The following LIN52 variants were observed in gnomAD, a reference collection of about 807,000 sequenced individuals.
The protein encoded by LIN52 is lin-52 DREAM MuvB core complex component, also known as protein lin-52 homolog.
A neutral mutation model predicts 18.5 loss-of-function variants in LIN52; 4 were observed. The observed-to-expected ratio is 0.22, with a 90% CI of 0.11 to 0.49. The LOEUF is 0.49. Among genes scored for constraint, LIN52 ranks in the 20% least tolerant of loss-of-function variants. LIN52 has a pLI of 0.97. For synonymous variants in LIN52, 34 were observed against 45.5 expected (o/e 0.75, Z 1.02); for missense variants, 102 against 139.5 (o/e 0.73, Z 1.35).
intron 2 of LIN52, among the ~76,000 whole-genome samples, chr14:74,093,896 GGCAGAGGTTGCAGTGA>G (rs2060790013): frequency 6.6e-6 from 1 of 151,932 alleles, no homozygotes; most frequent in Admixed American, 6.6e-5. Context: ...GAACCCGGGA[GGCAGAGGTTGCAGTGA>G]GCAGAGATTG....
chr14:74,162,232 T>A (rs1490359823), intron 5 of LIN52, among the ~76,000 whole-genome samples: 1 of 151,978 alleles, frequency 6.6e-6, no homozygotes, highest in Non-Finnish European at 1.5e-5. Context: ...TCCCAGCACT[T>A]TGGGAGGCTG....
At chr14:74,098,361 A>G (rs982003733) in intron 4 of LIN52, among the ~76,000 whole-genome samples, 1 of 151,974 alleles carries the variant, frequency 6.6e-6, no homozygotes, top group East Asian at 1.9e-4. Flanking sequence ...TCTACTAAAA[A>G]TACAAAAATC....
intron 5 of LIN52, among the ~76,000 whole-genome samples, chr14:74,114,756 A>G (rs916084059): frequency 2.0e-5 from 3 of 152,194 alleles, no homozygotes; most frequent in African/African-American, 7.2e-5. Flanking sequence ...GCAACAGGTA[A>G]TGTTTTAGAT....
chr14:74,187,934 G>A (rs567436447), intron 5 of LIN52, among the ~76,000 whole-genome samples: 2 of 152,296 alleles, frequency 1.3e-5, no homozygotes, highest in South Asian at 2.1e-4. Flanking sequence ...TAATTCATCT[G>A]AGATCACTAA....
At chr14:74,106,106 A>T (rs532938470) in intron 5 of LIN52, among the ~76,000 whole-genome samples, 8 of 152,314 alleles carry the variant, frequency 5.3e-5, no homozygotes, top group South Asian at 2.1e-4. Context: ...AGAAATATTT[A>T]AAAAAGTAAA....
intron 5 of LIN52, among the ~76,000 whole-genome samples, chr14:74,183,390 C>T (rs1393477946): frequency 6.6e-6 from 1 of 152,130 alleles, no homozygotes; most frequent in African/African-American, 2.4e-5. Context: ...TGAGCCACCG[C>T]ACTCAGCCAA....
At chr14:74,170,262 C>G (rs1384904185) in intron 5 of LIN52, among the ~76,000 whole-genome samples, 1 of 152,084 alleles carries the variant, frequency 6.6e-6, no homozygotes, top group Non-Finnish European at 1.5e-5. Flanking sequence ...ATAACAGATG[C>G]TTAGTAAATA....
intron 1 of LIN52, 183 bp downstream of exon 1, chr14:74,085,176 G>A (rs1286220381): frequency 4.3e-6 from 2 of 465,222 alleles, no homozygotes; most frequent in Non-Finnish European, 7.0e-6. Flanking sequence ...AGCTCCGGAG[G>A]TGCCCAGTTT....
chr14:74,174,010 C>T (rs929215208), intron 5 of LIN52, among the ~76,000 whole-genome samples: 6 of 152,192 alleles, frequency 3.9e-5, no homozygotes, highest in African/African-American at 1.4e-4. Context: ...TAGATCTCCT[C>T]TTTGTGAATG....
intron 5 of LIN52, among the ~76,000 whole-genome samples, chr14:74,146,440 G>A (rs1253464576): frequency 6.6e-6 from 1 of 152,060 alleles, no homozygotes; most frequent in Non-Finnish European, 1.5e-5. Context: ...TGGACCACTA[G>A]GTTCACTAGC....
At chr14:74,177,823 G>A (rs1018439272) in intron 5 of LIN52, among the ~76,000 whole-genome samples, 1 of 152,292 alleles carries the variant, frequency 6.6e-6, no homozygotes, top group African/African-American at 2.4e-5. Context: ...TGTCGCCCAG[G>A]CTGGAGTGCA....
intron 1 of LIN52, among the ~76,000 whole-genome samples, chr14:74,088,383 GC>G (rs1350790719): frequency 6.6e-6 from 1 of 152,018 alleles, no homozygotes; most frequent in African/African-American, 2.4e-5. Flanking sequence ...GAGCCACCAT[GC>G]CCCCACCTTA....
chr14:74,187,735 T>C (rs1257229973), intron 5 of LIN52, among the ~76,000 whole-genome samples: 1 of 152,212 alleles, frequency 6.6e-6, no homozygotes, highest in African/African-American at 2.4e-5. Context: ...CTTTTGTAAA[T>C]GTAATAGCAA....
chr14:74,127,353 A>G (rs966539419), intron 5 of LIN52, among the ~76,000 whole-genome samples: 11 of 152,218 alleles, frequency 7.2e-5, no homozygotes, highest in Non-Finnish European at 1.3e-4. Context: ...GGTGGAGAGA[A>G]CGGAGATGAG....
At chr14:74,114,599 C>T (rs763107254) in intron 5 of LIN52, among the ~76,000 whole-genome samples, 2 of 152,130 alleles carry the variant, frequency 1.3e-5, no homozygotes, top group Non-Finnish European at 2.9e-5. Flanking sequence ...TGCTTAACAA[C>T]AACAACAACA....
chr14:74,188,789 A>C (rs1286311736), intron 5 of LIN52, among the ~76,000 whole-genome samples: 1 of 152,210 alleles, frequency 6.6e-6, no homozygotes, highest in African/African-American at 2.4e-5. Context: ...CCAGTGATGG[A>C]CGTCTCAAGG....
intron 2 of LIN52, 87 bp from the exon 3 acceptor site, chr14:74,095,861 A>T: frequency 1.2e-6 from 1 of 808,624 alleles, no homozygotes; most frequent in Non-Finnish European, 2.0e-6. Context: ...ATAAGAAAAC[A>T]GACAAAGCTG....
At chr14:74,169,463 C>T (rs1192603871) in intron 5 of LIN52, among the ~76,000 whole-genome samples, 1 of 152,170 alleles carries the variant, frequency 6.6e-6, no homozygotes, top group Non-Finnish European at 1.5e-5. Flanking sequence ...CTCTCTCCAG[C>T]ATCATAAGTC....
chr14:74,155,487 A>G (rs977994633), intron 5 of LIN52, among the ~76,000 whole-genome samples: 1 of 152,230 alleles, frequency 6.6e-6, no homozygotes. Flanking sequence ...TTGAATTTTG[A>G]ACACAAACAT....
Sources: allele counts gnomAD v4.1 joint callset (sites outside exome capture counted in the v4.1 genomes callset), GRCh38; gene constraint gnomAD v4.1.1; transcripts MANE v1.5; gene names NCBI Gene and HGNC (gene_info 2026-07-23, HGNC 2026-07-21).